KANK2: variants seen among roughly 807,000 people sequenced by gnomAD.
The protein encoded by KANK2 is KN motif and ankyrin repeat domain-containing protein 2.
In KANK2, 41 loss-of-function variants were observed where a neutral mutation model predicts 74.6. The observed-to-expected ratio is 0.55, with a 90% CI of 0.43 to 0.71. The LOEUF (loss-of-function observed/expected upper bound fraction) is 0.71. KANK2 is among the 30% of genes least tolerant of loss of function. The pLI is 0.00. For synonymous variants in KANK2, 537 were observed against 519.0 expected (o/e 1.03, Z -0.47); for missense variants, 1,148 against 1,196.4 (o/e 0.96, Z 0.60).
chr19:11,191,039 T>A (rs1215880305), intron 4 of KANK2, among the ~76,000 whole-genome samples: 2 of 146,204 alleles, frequency 1.4e-5, no homozygotes, highest in African/African-American at 5.1e-5. Flanking sequence ...CCAGCTGTCA[T>A]TATTATTATT....
In KANK2 at chr19:11,192,792, C is replaced by A. The variant is rs201979549; in HGVS notation, c.1249+39G>T. 567 of 1,578,736 alleles carry A rather than the reference C, an allele frequency of 3.6e-4. 5 individuals carry two copies. The African/African-American group carries it at 5.7e-3, about 16-fold the overall frequency. ...CCATGGGAAGAAAGAGGCCCCCCCCCCCCAAGCCATTCTCCCCTGCCTGCC... is the reference window on the plus strand; with the variant it reads ...CCATGGGAAGAAAGAGGCCCCCCCCACCCAAGCCATTCTCCCCTGCCTGCC... On this transcript the variant is annotated intron_variant, in intron 4 of 12. Coordinates refer to ENST00000586659, the MANE Select transcript of KANK2 (RefSeq NM_001136191.3).
intron 10 of KANK2, among the ~76,000 whole-genome samples, chr19:11,172,212 G>A (rs1266479288): frequency 6.6e-6 from 1 of 151,572 alleles, no homozygotes; most frequent in Non-Finnish European, 1.5e-5. Flanking sequence ...TCTGACCTCA[G>A]GTGATCCACC....
intron 6 of KANK2, among the ~76,000 whole-genome samples, chr19:11,177,488 G>A (rs1448991600): frequency 6.6e-6 from 1 of 152,032 alleles, no homozygotes; most frequent in African/African-American, 2.4e-5. Context: ...CCAAGTAGCT[G>A]GGACTGCAGG....
At chr19:11,177,760 C>A (rs558885293) in intron 6 of KANK2, among the ~76,000 whole-genome samples, 5 of 152,128 alleles carry the variant, frequency 3.3e-5, no homozygotes, top group Non-Finnish European at 7.4e-5. Flanking sequence ...CTTCTAGGCT[C>A]GGCATTCAAG....
intron 12 of KANK2, among the ~76,000 whole-genome samples, chr19:11,168,171 A>G (rs8107988): frequency 0.13 from 19,529 of 150,602 alleles, 1,731 homozygotes; most frequent in African/African-American, 0.26. Flanking sequence ...CCCGGCTAAT[A>G]TTTTGTTTTT....
At chr19:11,180,449 T>A (rs1246104848) in intron 4 of KANK2, among the ~76,000 whole-genome samples, 1 of 152,004 alleles carries the variant, frequency 6.6e-6, no homozygotes, top group South Asian at 2.1e-4. Context: ...ACAGGCAATA[T>A]TCAACTTTAG....
At position 11,182,561 on chromosome 19, in the gene KANK2, A is replaced by AAAAAAAAAC. The variant is rs766300556; in HGVS notation, c.1250-3842_1250-3841insGTTTTTTTT. Among the ~76,000 whole-genome samples the AAAAAAAAAC allele has an allele frequency of 9.7e-5, 14 of 143,686 alleles. 1 individual carries two copies. The highest frequency in any genetic ancestry group is 2.2e-4 in the South Asian group (1 of 4,608). The allele number at this position is 143,686 out of a possible 152,430, so 94.3% of individuals were successfully genotyped here. A position where few individuals can be genotyped will look rare whatever the true frequency, so the allele number is the denominator to read the frequency against. On this transcript the variant is annotated intron_variant, in intron 4 of 12. Coordinates refer to ENST00000586659, the MANE Select transcript of KANK2 (RefSeq NM_001136191.3). ...AACAAAAAAACAAAACAAAACAAAA[A>AAAAAAAAAC]AGCCAGGCGCGGTGGCTCACGATTG...
rs371555055 is a variant in KANK2 at position 11,170,161 on chromosome 19, C to T, written c.2299G>A (p.Val767Met). 2.9e-5 allele frequency: 46 copies of T among 1,612,200 alleles called. No individual in the cohort carries two copies. The highest frequency in any genetic ancestry group is 6.7e-5 in the African/African-American group (5 of 74,946). ...GCCGTGGAGCCGTCATCATCTTGCA[C>T]GTTGACATCTGCCTCACAGGCCAGC... ...ALLACEADVN[V>M]QDDDGSTALM... The change falls in exon 11 of 13, where the codon GTG becomes ATG. Residue 767 changes from valine (V) to methionine (M), a missense_variant. Val to Met is a conservative substitution (Grantham distance 21, BLOSUM62 1). Transcript: ENST00000586659. This position sits in a 1 kb window ranked among gnomAD's most constrained non-coding sequence, Gnocchi z 5.2.
intron 4 of KANK2, among the ~76,000 whole-genome samples, chr19:11,180,643 G>A (rs1389873377): frequency 6.6e-6 from 1 of 152,176 alleles, no homozygotes; most frequent in Non-Finnish European, 1.5e-5. Flanking sequence ...GGGGAACTGA[G>A]CGAGAGCAAA....
chr19:11,184,081 A>G (rs1359964544), intron 4 of KANK2, among the ~76,000 whole-genome samples: 1 of 152,164 alleles, frequency 6.6e-6, no homozygotes, highest in African/African-American at 2.4e-5. Flanking sequence ...CCTATATTCA[A>G]AATGAAGACT....
chr19:11,193,776 A>G lies in KANK2; in HGVS notation c.304T>C (p.Tyr102His), dbSNP rs140879864. The change falls in exon 4 of 13, where the codon TAC becomes CAC. Residue 102 changes from tyrosine to histidine, a missense_variant. Coordinates refer to ENST00000586659, the MANE Select transcript of KANK2 (RefSeq NM_001136191.3). The surrounding 1 kb of genome is among the most constrained non-coding windows in gnomAD (Gnocchi z 9.6). ...SGDSRHSAYSYCGRGFYPQYG... is the reference protein window; with the variant it reads ...SGDSRHSAYSHCGRGFYPQYG... The stretch of plus-strand genomic sequence containing the variant: ...TGAGGGTAGAAGCCACGGCCGCAGT[A>G]GGAATAGGCTGAGTGGCGGCTGTCC... The G allele has an allele frequency of 4.6e-4, 738 of 1,612,796 alleles. 19 individuals carry two copies. The South Asian group carries it at 7.7e-3, about 17-fold the overall frequency.
Position 11,192,956 on chromosome 19 carries a change from C to A in KANK2, c.1124G>T (p.Ser375Ile). 1 of 1,614,158 alleles carries A rather than the reference C, an allele frequency of 6.2e-7. No individual in the cohort carries two copies. Among genetic ancestry groups the A allele is most frequent in the Admixed American group, 1.7e-5 (1 of 60,036 alleles). Residue 375 changes from serine to isoleucine, a missense_variant, in exon 4 of 13, where the codon AGC becomes ATC. Coordinates refer to ENST00000586659, the MANE Select transcript of KANK2 (RefSeq NM_001136191.3). ...CTCCTGGCTGCGGAACACAGGTGGG[C>A]TCTCAGGCCTACCAGGCATTGCCAG... is the stretch of plus-strand genomic sequence containing the variant. The part of the protein sequence containing the change: ...RALAMPGRPE[S>I]PPVFRSQEVV...
rs1265831928 is a variant in KANK2, at chr19:11,169,881, C to T, written c.2498G>A (p.Cys833Tyr). Residue 833 changes from cysteine to tyrosine, a missense_variant, in exon 12 of 13, where the codon TGC becomes TAC. By Grantham distance (194) the Cys-to-Tyr change is radical (BLOSUM62 -2). Coordinates refer to ENST00000586659, the MANE Select transcript of KANK2 (RefSeq NM_001136191.3). ...SMLYSRMNIK[C>Y]SFAPMSDDES... ...CCCGGCCGGATTGAGACTCACCGAG[C>T]ACTTGATGTTCATGCGGGAATACAG... 1.9e-6 allele frequency: 3 copies of T among 1,613,670 alleles called. No homozygotes were observed. Among genetic ancestry groups the T allele is most frequent in the Non-Finnish European group, 2.5e-6 (3 of 1,179,566 alleles).
Position 11,194,004 on chromosome 19 carries a change from T to C in KANK2, c.76A>G (p.Lys26Glu). ...ACGGAGTAGGGTGGATCGGGGTCCTTGGCAGGGAAGGCAGGTGGGGAGGCT... is the reference window on the plus strand; with the variant it reads ...ACGGAGTAGGGTGGATCGGGGTCCTCGGCAGGGAAGGCAGGTGGGGAGGCT... The part of the protein sequence containing the change: ...GPASPPAFPA[K>E]DPDPPYSVET... The change falls in exon 4 of 13, where the codon AAG becomes GAG. Residue 26 changes from lysine (K) to glutamate (E), a missense_variant. By Grantham distance (56) the Lys-to-Glu change is moderately conservative. Transcript: ENST00000586659. 2 of 1,611,968 alleles carry C rather than the reference T, an allele frequency of 1.2e-6. No homozygotes were observed. The highest frequency in any genetic ancestry group is 1.7e-6 in the Non-Finnish European group (2 of 1,178,750).
rs2078224209 is a variant in KANK2, at chr19:11,173,070, T to C, written c.2122A>G (p.Thr708Ala). The change falls in exon 10 of 13, where the codon ACC becomes GCC. Residue 708 changes from threonine to alanine, a missense_variant. Coordinates refer to ENST00000586659, the MANE Select transcript of KANK2 (RefSeq NM_001136191.3). ...NRAGYSPIML[T>A]ALATLKTQDD... ...TGGGTCTTCAGGGTGGCCAGGGCGG[T>C]GAGCATAATAGGGCTGTAGCCAGCA... 1.2e-6 allele frequency: 2 copies of C among 1,614,024 alleles called. No homozygotes were observed. The highest frequency in any genetic ancestry group is 1.7e-6 in the Non-Finnish European group (2 of 1,179,950).
In KANK2 at chr19:11,176,651, G is replaced by A. The variant is rs1460097552; in HGVS notation, c.1687C>T (p.Gln563Ter). The change falls in exon 7 of 13, where the codon CAG becomes TAG. Residue 563 changes from glutamine to a stop codon, truncating the protein, a stop_gained. Coordinates refer to ENST00000586659, the MANE Select transcript of KANK2 (RefSeq NM_001136191.3). LOFTEE classifies it high-confidence loss of function. The stretch of plus-strand genomic sequence containing the variant: ...ATGTGCTGAGATTCTCGAGACAGCT[G>A]ACACTCCTGCCGGCTGGTCTTGGCC... ...AAAKTSRQEC[Q>*]LSRESQHIPT... 1 of 1,613,500 alleles carries A rather than the reference G, an allele frequency of 6.2e-7. No individual in the cohort carries two copies. Among genetic ancestry groups the A allele is most frequent in the Non-Finnish European group, 8.5e-7 (1 of 1,179,864 alleles).
In KANK2 at chr19:11,195,729, C is replaced by G. The variant is rs1398850516; in HGVS notation, c.-187G>C. 6.6e-6 allele frequency: 1 copy of G among 150,674 alleles called. No individual in the cohort carries two copies. The highest frequency in any genetic ancestry group is 1.9e-4 in the East Asian group (1 of 5,188). The allele number at this position is 150,674 out of a possible 1,614,324, so 9.3% of individuals were successfully genotyped here. ...TCTCCACGTCTCTGTCTCTCTGCGT[C>G]TCTCTCCACGTCTCTGTCCTTCTGC... On this transcript the variant is annotated 5_prime_UTR_variant, in exon 2 of 13. Coordinates refer to ENST00000586659, the MANE Select transcript of KANK2 (RefSeq NM_001136191.3).
chr19:11,190,697 G>C (rs1479110805), intron 4 of KANK2, among the ~76,000 whole-genome samples: 1 of 152,082 alleles, frequency 6.6e-6, no homozygotes, highest in Non-Finnish European at 1.5e-5. Flanking sequence ...AACGCACCTG[G>C]CAGAGCCTCC....
Position 11,192,991 on chromosome 19 carries a change from C to G in KANK2, c.1089G>C (p.Gly363=). 1 of 1,613,996 alleles carries G rather than the reference C, an allele frequency of 6.2e-7. No individual in the cohort carries two copies. The highest frequency in any genetic ancestry group is 1.1e-5 in the South Asian group (1 of 91,082). The change falls in exon 4 of 13, where the codon GGG becomes GGC. Residue 363 remains glycine, a synonymous_variant. Coordinates refer to ENST00000586659, the MANE Select transcript of KANK2 (RefSeq NM_001136191.3). ...TACCAGGCATTGCCAGGGCCCTCAG[C>G]CCTGTGCCGTAAGGCTCCAGGCTCT... ...RAQSLEPYGT[G]LRALAMPGRP... is the part of the protein sequence containing the mutation.
Sources: allele counts gnomAD v4.1 joint callset (sites outside exome capture counted in the v4.1 genomes callset), GRCh38; gene constraint gnomAD v4.1.1; non-coding constraint Gnocchi (gnomAD v3.1); transcripts MANE v1.5; gene names NCBI Gene and HGNC (gene_info 2026-07-23, HGNC 2026-07-21).